HDAC9: variants seen among roughly 807,000 people sequenced by gnomAD.
HDAC9 encodes the protein histone deacetylase 9, also known as MEF-2 interacting transcription repressor (MITR) protein.
HDAC9 carries 41 observed loss-of-function variants against 139.4 expected under a neutral mutation model. The observed-to-expected ratio is 0.29, with a 90% CI of 0.23 to 0.38. The LOEUF (loss-of-function observed/expected upper bound fraction) is 0.38. HDAC9 is among the 10% of genes least tolerant of loss of function. HDAC9 has a pLI of 1.00. For synonymous variants in HDAC9, 517 were observed against 476.2 expected (o/e 1.09, Z -1.12); for missense variants, 1,147 against 1,297.0 (o/e 0.88, Z 1.78).
chr7:18,106,162 A>G (rs1484340869), intron 1 of HDAC9, among the ~76,000 whole-genome samples: 2 of 152,228 alleles, frequency 1.3e-5, no homozygotes, highest in African/African-American at 2.4e-5. Flanking sequence ...CTCTGTGAAT[A>G]TAATAAAAAT....
intron 17 of HDAC9, among the ~76,000 whole-genome samples, chr7:18,795,257 T>TAAAAAAAAAAAAAAAAAAAAAA (rs5882676): frequency 4.0e-4 from 26 of 65,478 alleles, no homozygotes; most frequent in African/African-American, 1.5e-3. Flanking sequence ...AAGAAAACAG[T>TAAAAAAAAAAAAAAAAAAAAAA]AAAAAAAAAA....
chr7:18,786,765 T>C (rs1361487296), intron 16 of HDAC9, among the ~76,000 whole-genome samples: 1 of 134,052 alleles, frequency 7.5e-6, no homozygotes, highest in Admixed American at 7.3e-5. Flanking sequence ...TTTTCTTTTT[T>C]CTCTCTTTCT....
intron 2 of HDAC9, among the ~76,000 whole-genome samples, chr7:18,169,583 T>G (rs1788262216): frequency 6.6e-6 from 1 of 152,132 alleles, no homozygotes; most frequent in African/African-American, 2.4e-5. Context: ...TTACATTAGA[T>G]ATTTCTCCTA....
chr7:18,307,346 A>G (rs1337964834), intron 1 of HDAC9, among the ~76,000 whole-genome samples: 3 of 152,196 alleles, frequency 2.0e-5, no homozygotes, highest in Non-Finnish European at 4.4e-5. Context: ...GGTTCTGAAT[A>G]TGAGAATCAT....
At chr7:18,912,910 T>C (rs1034860801) in intron 22 of HDAC9, among the ~76,000 whole-genome samples, 1 of 152,106 alleles carries the variant, frequency 6.6e-6, no homozygotes, top group Non-Finnish European at 1.5e-5. Context: ...TTGAAATGTA[T>C]GTTCTGCTAG....
At chr7:18,156,602 C>G (rs1432829933) in intron 1 of HDAC9, among the ~76,000 whole-genome samples, 1 of 152,178 alleles carries the variant, frequency 6.6e-6, no homozygotes. Context: ...ATCAGGTACT[C>G]TACTAGGTGT....
At chr7:18,673,095 G>A (rs1795760337) in intron 12 of HDAC9, among the ~76,000 whole-genome samples, 1 of 151,070 alleles carries the variant, frequency 6.6e-6, no homozygotes, top group Admixed American at 6.6e-5. Flanking sequence ...TCCTACCCTC[G>A]TCACTCAGTT....
chr7:18,133,904 A>G (rs775817732), intron 1 of HDAC9, among the ~76,000 whole-genome samples: 1 of 149,640 alleles, frequency 6.7e-6, no homozygotes, highest in African/African-American at 2.5e-5. Context: ...ATCTATATCT[A>G]TATATCTGTG....
chr7:18,183,732 G>A (rs1393268294), intron 2 of HDAC9, among the ~76,000 whole-genome samples: 1 of 152,154 alleles, frequency 6.6e-6, no homozygotes, highest in Non-Finnish European at 1.5e-5. Flanking sequence ...AGATCCTCCT[G>A]CTTTGGCCTC....
At chr7:18,743,922 T>A (rs1787689099) in intron 13 of HDAC9, among the ~76,000 whole-genome samples, 1 of 151,764 alleles carries the variant, frequency 6.6e-6, no homozygotes, top group Non-Finnish European at 1.5e-5. Flanking sequence ...TTTGTGTTTT[T>A]AGGAGATCTT....
intron 17 of HDAC9, among the ~76,000 whole-genome samples, chr7:18,802,203 T>G (rs1449591841): frequency 1.3e-5 from 2 of 151,970 alleles, no homozygotes; most frequent in Non-Finnish European, 2.9e-5. Context: ...CATGCTGTTT[T>G]CTATAAAGAA....
At chr7:18,439,351 T>C (rs535531170) in intron 1 of HDAC9, among the ~76,000 whole-genome samples, 7 of 152,224 alleles carry the variant, frequency 4.6e-5, no homozygotes, top group African/African-American at 7.2e-5. Context: ...GACTTCCCAA[T>C]AGCAATGATA....
chr7:18,436,092 A>G (rs1791178048), intron 1 of HDAC9, among the ~76,000 whole-genome samples: 1 of 151,930 alleles, frequency 6.6e-6, no homozygotes, highest in Non-Finnish European at 1.5e-5. Flanking sequence ...TACTGGGATT[A>G]CAGGCGTGAA....
intron 12 of HDAC9, among the ~76,000 whole-genome samples, chr7:18,681,820 C>G (rs1167467296): frequency 6.6e-6 from 1 of 151,990 alleles, no homozygotes; most frequent in African/African-American, 2.4e-5. Flanking sequence ...ATCGCCCCAC[C>G]CTCTGACATC....
intron 2 of HDAC9, among the ~76,000 whole-genome samples, chr7:18,558,440 A>G (rs536167640): frequency 1.8e-4 from 27 of 152,316 alleles, no homozygotes; most frequent in Non-Finnish European, 3.1e-4. Flanking sequence ...TTTCAAGACT[A>G]CATTTCAGGG....
chr7:18,299,963 C>G (rs1798425624), intron 1 of HDAC9, among the ~76,000 whole-genome samples: 1 of 152,080 alleles, frequency 6.6e-6, no homozygotes, highest in African/African-American at 2.4e-5. Flanking sequence ...TTATTATCTC[C>G]TTTTGTTAAT....
chr7:18,211,904 A>C (rs1174624105), intron 2 of HDAC9, among the ~76,000 whole-genome samples: 1 of 152,086 alleles, frequency 6.6e-6, no homozygotes, highest in Non-Finnish European at 1.5e-5. Flanking sequence ...GGAGAGTGGG[A>C]GTTTGAGGGA....
intron 1 of HDAC9, among the ~76,000 whole-genome samples, chr7:18,399,770 C>T (rs1251933534): frequency 6.6e-6 from 1 of 152,174 alleles, no homozygotes; most frequent in Non-Finnish European, 1.5e-5. Context: ...CCTCCTGTCT[C>T]TCCAAGATAT....
intron 23 of HDAC9, chr7:18,948,785 A>G (rs767862774): frequency 2.7e-5 from 5 of 183,104 alleles, no homozygotes; most frequent in Non-Finnish European, 5.6e-5. Context: ...GACAACATTT[A>G]TCAGATATGG....
Sources: gnomAD v4.1 joint callset for allele counts (sites outside exome capture counted in the v4.1 genomes callset) on GRCh38, gnomAD v4.1.1 for gene constraint, MANE v1.5 for transcripts, NCBI Gene and HGNC (gene_info 2026-07-23, HGNC 2026-07-21) for gene names.